The following PPFIBP2 variants were observed in gnomAD, a reference collection of about 807,000 sequenced individuals.
PPFIBP2 encodes the protein liprin-beta-2.
A neutral mutation model predicts 118.3 loss-of-function variants in PPFIBP2; 118 were observed. The observed-to-expected ratio is 1.00, with a 90% CI of 0.86 to 1.16. The LOEUF is 1.16. Among genes scored for constraint, PPFIBP2 ranks in the 50% most tolerant of loss-of-function variants. The pLI, the probability that PPFIBP2 is intolerant of heterozygous loss-of-function variation, is 0.00. For missense variants in PPFIBP2, 1,195 were observed against 1,073.1 expected (o/e 1.11, Z -1.59); for synonymous variants, 414 against 397.4 (o/e 1.04, Z -0.50).
In PPFIBP2 at chr11:7,651,728, A is replaced by G. The variant is rs760507819; in HGVS notation, c.2320A>G (p.Arg774Gly). The change falls in exon 23 of 24, where the codon AGG (arginine) becomes GGG (glycine). Residue 774 changes from arginine (R) to glycine (G), a missense_variant. By Grantham distance (125) the Arg-to-Gly change is moderately radical. Coordinates refer to ENST00000299492, the MANE Select transcript of PPFIBP2 (RefSeq NM_003621.5). ...LNIPPQKTLL[R>G]RHLTTKFNAL... is the part of the protein sequence containing the mutation. ...CATCCCCCCACAAAAGACGCTCCTC[A>G]GGCGCCACCTGACCACCAAGTTCAA... 3.1e-6 allele frequency: 5 copies of G among 1,614,030 alleles called. No individual in the cohort carries two copies. The highest frequency in any genetic ancestry group is 4.2e-6 in the Non-Finnish European group (5 of 1,179,884).
Position 7,649,117 on chromosome 11 carries a change from C to G in PPFIBP2, c.1910-30C>G, listed in dbSNP as rs201820020. ...CTACATTCTCTCATTCTCATGAATC[C>G]TGACACATCTGGGGTTTTTGTATTT... On this transcript the variant is annotated intron_variant, in intron 19 of 23. Coordinates refer to ENST00000299492, the MANE Select transcript of PPFIBP2 (RefSeq NM_003621.5). The G allele has an allele frequency of 3.9e-5, 62 of 1,592,388 alleles. 2 individuals are homozygous for G. The highest frequency in any genetic ancestry group is 3.3e-4 in the Middle Eastern group (2 of 6,008).
intron 3 of PPFIBP2, among the ~76,000 whole-genome samples, chr11:7,579,409 A>G (rs1463268950): frequency 1.3e-5 from 2 of 152,180 alleles, no homozygotes; most frequent in African/African-American, 4.8e-5. Flanking sequence ...TGAGATGACC[A>G]GACGTTTTGG....
At chr11:7,526,307 C>T (rs1253836927) in intron 1 of PPFIBP2, among the ~76,000 whole-genome samples, 1 of 152,148 alleles carries the variant, frequency 6.6e-6, no homozygotes, top group Non-Finnish European at 1.5e-5. Flanking sequence ...GATCCCTGGT[C>T]AGTCAAGTGA....
Position 7,553,842 on chromosome 11 carries a change from A to G in PPFIBP2, c.64+4303A>G, listed in dbSNP as rs1471769992. ...TCTGAGTCTCTTCCAGGCTCCTTTT[A>G]TTCCTGGGCTGGTTTTTATGTTGAT... On this transcript the variant is annotated intron_variant, in intron 2 of 23. Transcript: ENST00000299492. Among the ~76,000 whole-genome samples, 5 of 152,066 alleles carry G rather than the reference A, an allele frequency of 3.3e-5. No individual in the cohort carries two copies. The East Asian group carries it at 9.6e-4, about 29-fold the overall frequency.
chr11:7,559,556 T>C (rs1315794490), intron 2 of PPFIBP2, among the ~76,000 whole-genome samples: 1 of 152,158 alleles, frequency 6.6e-6, no homozygotes, highest in East Asian at 1.9e-4. Flanking sequence ...ACCAGTGGTA[T>C]GCAGAGGCCT....
At chr11:7,619,581 A>T (rs796698255) in intron 6 of PPFIBP2, among the ~76,000 whole-genome samples, 9 of 152,368 alleles carry the variant, frequency 5.9e-5, no homozygotes, top group African/African-American at 2.2e-4. Flanking sequence ...AAGACAACAG[A>T]GGAGCAACCA....
downstream of PPFIBP2, among the ~76,000 whole-genome samples, chr11:7,659,199 T>C (rs1854836825): frequency 6.7e-6 from 1 of 149,488 alleles, no homozygotes; most frequent in Non-Finnish European, 1.5e-5. Context: ...TTTTGGTGTT[T>C]TAGACATGAA....
chr11:7,634,542 C>G lies in PPFIBP2; in HGVS notation c.1184C>G (p.Ser395Cys), dbSNP rs1295172922. Residue 395 changes from serine (S) to cysteine (C), a missense_variant, in exon 13 of 24, where the codon TCT becomes TGT. Physicochemically the swap from Ser to Cys is moderately radical, Grantham distance 112. Transcript: ENST00000299492. ...SCSLEDLRSE[S>C]VDKCMDGNQP... Reference sequence around the variant, plus strand: ...AGTCTAGAAGACTTGAGAAGTGAATCTGTGGATAAGGTCGGCTCATCAACC... The same window carrying G: ...AGTCTAGAAGACTTGAGAAGTGAATGTGTGGATAAGGTCGGCTCATCAACC... 1.2e-6 allele frequency: 2 copies of G among 1,613,332 alleles called. No individual in the cohort carries two copies. The highest frequency in any genetic ancestry group is 1.7e-5 in the Admixed American group (1 of 60,014).
intron 2 of PPFIBP2, among the ~76,000 whole-genome samples, chr11:7,550,785 T>C (rs1412136615): frequency 1.3e-5 from 2 of 152,148 alleles, no homozygotes; most frequent in African/African-American, 4.8e-5. Flanking sequence ...TTAATCTGGG[T>C]AGGCACCATC....
At chr11:7,514,991 A>C (rs898971578) in intron 1 of PPFIBP2, among the ~76,000 whole-genome samples, 6 of 152,234 alleles carry the variant, frequency 3.9e-5, no homozygotes, top group Non-Finnish European at 7.3e-5. Context: ...TGTAATACAA[A>C]TCTGAAGTGT....
chr11:7,636,909 A>G (rs1426111232), intron 14 of PPFIBP2, among the ~76,000 whole-genome samples: 1 of 152,188 alleles, frequency 6.6e-6, no homozygotes, highest in Non-Finnish European at 1.5e-5. Flanking sequence ...ATCTTTCTGC[A>G]GCATCCCTAA....
At chr11:7,564,834 G>T (rs1175180543) in intron 2 of PPFIBP2, among the ~76,000 whole-genome samples, 1 of 152,182 alleles carries the variant, frequency 6.6e-6, no homozygotes, top group Non-Finnish European at 1.5e-5. Context: ...AGTGGAACCT[G>T]TTAGACCTCT....
At chr11:7,546,752 C>G (rs7105989) in intron 1 of PPFIBP2, among the ~76,000 whole-genome samples, 39,265 of 152,258 alleles carry the variant, frequency 0.26, 5,345 homozygotes, top group African/African-American at 0.35. Context: ...CCTGGCTTTC[C>G]TGTGCACCAC....
At chr11:7,627,975 C>T (rs887911709) in intron 8 of PPFIBP2, among the ~76,000 whole-genome samples, 9 of 152,154 alleles carry the variant, frequency 5.9e-5, no homozygotes, top group African/African-American at 1.9e-4. Flanking sequence ...ATAAAAATGT[C>T]TATATTCTTA....
chr11:7,624,407 C>G (rs968160936), intron 7 of PPFIBP2, among the ~76,000 whole-genome samples: 2 of 152,246 alleles, frequency 1.3e-5, no homozygotes, highest in African/African-American at 4.8e-5. Flanking sequence ...GGTGCGTGCT[C>G]AGTCCATGCG....
At chr11:7,543,840 C>T (rs1852027065) in intron 1 of PPFIBP2, among the ~76,000 whole-genome samples, 1 of 152,192 alleles carries the variant, frequency 6.6e-6, no homozygotes, top group Admixed American at 6.5e-5. Flanking sequence ...AATTGTGACT[C>T]ACTTTCTAAA....
chr11:7,657,915 G>A (rs952143311), downstream of PPFIBP2, among the ~76,000 whole-genome samples: 7 of 152,228 alleles, frequency 4.6e-5, no homozygotes. Context: ...CCTGTAGACA[G>A]TCCTCCAGTT....
chr11:7,661,088 C>CA (rs931499453), downstream of PPFIBP2, among the ~76,000 whole-genome samples: 191 of 151,930 alleles, frequency 1.3e-3, 1 homozygote, highest in African/African-American at 4.1e-3. Context: ...TTAATCCTTT[C>CA]AAAAAACCAG....
At chr11:7,602,140 AG>A (rs1230332065) in intron 5 of PPFIBP2, among the ~76,000 whole-genome samples, 1 of 151,050 alleles carries the variant, frequency 6.6e-6, no homozygotes, top group Non-Finnish European at 1.5e-5. Context: ...AGGATCTTTA[AG>A]GGAGGGACAG....
Sources: gnomAD v4.1 joint callset for allele counts (sites outside exome capture counted in the v4.1 genomes callset) on GRCh38, gnomAD v4.1.1 for gene constraint, MANE v1.5 for transcripts, NCBI Gene and HGNC (gene_info 2026-07-23, HGNC 2026-07-21) for gene names.